Variants in GREB1L observed in about 807,000 individuals in gnomAD.
GREB1L encodes the protein GREB1 like retinoic acid receptor coactivator, also known as GREB1-like protein.
GREB1L carries 17 observed loss-of-function variants against 200.8 expected under a neutral mutation model. The ratio of observed to expected loss-of-function variants is 0.08; its 90% CI spans 0.06 to 0.13. The LOEUF (loss-of-function observed/expected upper bound fraction) is 0.13. Among genes scored for constraint, GREB1L ranks in the 10% least tolerant of loss-of-function variants. GREB1L has a pLI of 1.00. For synonymous variants in GREB1L, 789 were observed against 893.0 expected (o/e 0.88, Z 2.08); for missense variants, 1,657 against 2,367.7 (o/e 0.70, Z 6.23).
chr18:21,466,546 CAAA>C (rs1568034446), intron 15 of GREB1L, among the ~76,000 whole-genome samples: 1 of 151,910 alleles, frequency 6.6e-6, no homozygotes, highest in Non-Finnish European at 1.5e-5. Context: ...ATGAATTTGA[CAAA>C]AGAAGTGCAA....
chr18:21,393,854 G>A (rs148494531), intron 4 of GREB1L, among the ~76,000 whole-genome samples: 4 of 152,256 alleles, frequency 2.6e-5, no homozygotes, highest in East Asian at 3.9e-4. Flanking sequence ...GAGCCACTGC[G>A]CCCGGCCTGA....
At chr18:21,311,242 A>G (rs1190078802) in intron 1 of GREB1L, among the ~76,000 whole-genome samples, 1 of 152,254 alleles carries the variant, frequency 6.6e-6, no homozygotes, top group African/African-American at 2.4e-5. Context: ...AGTAAAATAA[A>G]CAAAACTGTA....
intron 2 of GREB1L, among the ~76,000 whole-genome samples, chr18:21,375,872 T>TACCACC (rs1283480411): frequency 6.6e-6 from 1 of 151,964 alleles, no homozygotes; most frequent in African/African-American, 2.4e-5. Context: ...TGACAATAAC[T>TACCACC]ACCACCACCA....
At chr18:21,264,010 C>T (rs942386678) in intron 1 of GREB1L, among the ~76,000 whole-genome samples, 1 of 152,072 alleles carries the variant, frequency 6.6e-6, no homozygotes, top group African/African-American at 2.4e-5. Flanking sequence ...AGTTGAATTG[C>T]CTTGTGACTC....
Position 21,500,289 on chromosome 18 carries a change from C to G in GREB1L, c.3952C>G (p.Leu1318Val). 7.5e-7 allele frequency: 1 copy of G among 1,325,710 alleles called. No homozygotes were observed. The highest frequency in any genetic ancestry group is 1.0e-6 in the Non-Finnish European group (1 of 954,310). 82.1% of individuals were successfully genotyped at this position (1,325,710 alleles called of 1,614,324 possible). ...TRNFHPRRLLLTGPPQVGKTG... is the reference protein window; with the variant it reads ...TRNFHPRRLLVTGPPQVGKTG... ...AAACTTCCACCCCCGACGGCTCCTG[C>G]TGACAGGGCCCCCACAGGTAGGGCC... The change falls in exon 22 of 33, where the codon CTG becomes GTG. Residue 1318 changes from leucine to valine, a missense_variant. Leu to Val is a conservative substitution (Grantham distance 32). Coordinates refer to ENST00000424526, the MANE Select transcript of GREB1L (RefSeq NM_001142966.3).
rs572366591 is a variant in GREB1L, at chr18:21,461,519, A to C, written c.2182+6956A>C. 2.0e-4 allele frequency among the ~76,000 whole-genome samples: 30 copies of C among 152,202 alleles called. 2 individuals are homozygous for C. The East Asian group carries it at 5.6e-3, about 28-fold the overall frequency. ...CCACCCTCACAGCACCCTTGCCCGT[A>C]TCACCAGTGACCTTTTCGGTCCTTA... On this transcript the variant is annotated intron_variant, in intron 15 of 32. Transcript: ENST00000424526.
At chr18:21,384,149 G>T in intron 3 of GREB1L, 57 bp from the exon 4 acceptor site, 1 of 1,175,586 alleles carries the variant, frequency 8.5e-7, no homozygotes, top group South Asian at 1.4e-5. Flanking sequence ...TCAGAACTGT[G>T]CATTTTTCCA....
chr18:21,262,098 A>G (rs1213370517), intron 1 of GREB1L, among the ~76,000 whole-genome samples: 1 of 152,196 alleles, frequency 6.6e-6, no homozygotes, highest in Non-Finnish European at 1.5e-5. Flanking sequence ...TTATAGCAGT[A>G]TACTAATTTA....
intron 1 of GREB1L, among the ~76,000 whole-genome samples, chr18:21,335,505 A>G (rs1394288280): frequency 6.6e-6 from 1 of 152,150 alleles, no homozygotes; most frequent in Non-Finnish European, 1.5e-5. Flanking sequence ...TTGGAGGGCT[A>G]TTTTGTTTTA....
At chr18:21,328,128 C>A (rs1459227890) in intron 1 of GREB1L, among the ~76,000 whole-genome samples, 1 of 152,168 alleles carries the variant, frequency 6.6e-6, no homozygotes, top group Non-Finnish European at 1.5e-5. Flanking sequence ...TTCAACCTTT[C>A]TCTGTCATGA....
At chr18:21,460,387 C>T (rs1192294247) in intron 15 of GREB1L, among the ~76,000 whole-genome samples, 2 of 151,766 alleles carry the variant, frequency 1.3e-5, no homozygotes, top group Admixed American at 1.3e-4. Flanking sequence ...CTTTTGTTGC[C>T]CAGGTTGGAG....
intron 27 of GREB1L, among the ~76,000 whole-genome samples, chr18:21,508,963 G>A (rs1192561283): frequency 6.6e-6 from 1 of 152,100 alleles, no homozygotes; most frequent in African/African-American, 2.4e-5. Context: ...CAGCATTAGT[G>A]GTTCACCCAG....
Position 21,293,630 on chromosome 18 carries a change from T to C in GREB1L, c.-120+51237T>C, listed in dbSNP as rs181813674. Among the ~76,000 whole-genome samples the C allele has an allele frequency of 3.3e-5, 5 of 152,312 alleles. 1 individual carries two copies. The highest frequency in any genetic ancestry group is 2.0e-4 in the Admixed American group (3 of 15,296). ...TAGATACTAATAATTAATCCCTTTT[T>C]ATTCAGCCAAAACAGTATGTGTAAA... is the stretch of plus-strand genomic sequence containing the variant. On this transcript the variant is annotated intron_variant, in intron 1 of 32. Transcript: ENST00000424526.
chr18:21,516,545 C>A (rs1211727769), intron 29 of GREB1L, 68 bp from the exon 30 acceptor site: 3 of 1,400,234 alleles, frequency 2.1e-6, no homozygotes, highest in Non-Finnish European at 2.9e-6. Context: ...ACATTTATTT[C>A]TCTGTGTATA....
chr18:21,384,783 T>TC (rs1327670121), intron 4 of GREB1L, among the ~76,000 whole-genome samples: 61 of 146,844 alleles, frequency 4.2e-4, no homozygotes, highest in Non-Finnish European at 2.7e-4. Flanking sequence ...TTCTTTCTAT[T>TC]CCCCCCCGCC....
At chr18:21,468,667 G>C in intron 15 of GREB1L, 1 of 456,152 alleles carries the variant, frequency 2.2e-6, no homozygotes, top group Admixed American at 2.4e-5. Flanking sequence ...GTGCCAGAAT[G>C]ATACTGTTAA....
intron 1 of GREB1L, among the ~76,000 whole-genome samples, chr18:21,255,060 A>G (rs182653261): frequency 6.6e-6 from 1 of 152,324 alleles, no homozygotes; most frequent in Admixed American, 6.5e-5. Flanking sequence ...TAATATTGAA[A>G]AAGATCAGGA....
At chr18:21,434,958 C>T (rs757200351) in intron 7 of GREB1L, 3 of 152,614 alleles carry the variant, frequency 2.0e-5, no homozygotes, top group Non-Finnish European at 4.4e-5. Context: ...TTCGCCGATT[C>T]TCAGTCCAGC....
intron 7 of GREB1L, among the ~76,000 whole-genome samples, chr18:21,411,416 C>T (rs887031672): frequency 9.9e-5 from 15 of 151,992 alleles, no homozygotes; most frequent in African/African-American, 3.6e-4. Flanking sequence ...CCATGTTAGC[C>T]AGGATGGTCT....
Sources: gnomAD v4.1 joint callset for allele counts (sites outside exome capture counted in the v4.1 genomes callset) on GRCh38, gnomAD v4.1.1 for gene constraint, MANE v1.5 for transcripts, NCBI Gene and HGNC (gene_info 2026-07-23, HGNC 2026-07-21) for gene names.